Variants in MAGI2 observed in about 807,000 individuals in gnomAD.
MAGI2 encodes the protein membrane-associated guanylate kinase, WW and PDZ domain-containing protein 2.
Under a neutral mutation model 133.3 loss-of-function variants are expected in MAGI2, and 35 were observed. That is an observed-to-expected ratio of 0.26 (90% CI 0.20 to 0.35). The LOEUF (loss-of-function observed/expected upper bound fraction) is 0.35. MAGI2 is among the 10% of genes least tolerant of loss of function. The pLI, the probability that MAGI2 is intolerant of heterozygous loss-of-function variation, is 1.00. For synonymous variants in MAGI2, 729 were observed against 710.6 expected (o/e 1.03, Z -0.41); for missense variants, 1,636 against 1,863.4 (o/e 0.88, Z 2.25).
At chr7:78,761,487 A>G (rs1824505158) in intron 2 of MAGI2, among the ~76,000 whole-genome samples, 1 of 144,910 alleles carries the variant, frequency 6.9e-6, no homozygotes, top group Non-Finnish European at 1.5e-5. Flanking sequence ...TTTTTTTGAG[A>G]CAGAGTCTTG....
intron 2 of MAGI2, among the ~76,000 whole-genome samples, chr7:78,772,946 G>A (rs534478795): frequency 6.6e-6 from 1 of 152,102 alleles, no homozygotes; most frequent in African/African-American, 2.4e-5. Flanking sequence ...CTCTAGCATT[G>A]GCTGTTTTCA....
intron 1 of MAGI2, among the ~76,000 whole-genome samples, chr7:79,345,689 T>A (rs1259313208): frequency 6.6e-6 from 1 of 152,106 alleles, no homozygotes; most frequent in East Asian, 1.9e-4. Context: ...GAAGAAAAAT[T>A]GGCAATTTAA....
chr7:79,157,003 C>A (rs1446799618), intron 1 of MAGI2, among the ~76,000 whole-genome samples: 4 of 152,030 alleles, frequency 2.6e-5, no homozygotes, highest in Non-Finnish European at 5.9e-5. Flanking sequence ...CTTCGGTTGA[C>A]AGTCCTTGAT....
intron 6 of MAGI2, among the ~76,000 whole-genome samples, chr7:78,442,510 C>A (rs1787729482): frequency 6.6e-6 from 1 of 152,144 alleles, no homozygotes; most frequent in South Asian, 2.1e-4. Context: ...CCTATCTAGG[C>A]TTGTTATGCC....
At chr7:78,522,464 C>T (rs1444143445) in intron 3 of MAGI2, among the ~76,000 whole-genome samples, 7 of 152,140 alleles carry the variant, frequency 4.6e-5, no homozygotes, top group South Asian at 2.1e-4. Flanking sequence ...CTGATACCTC[C>T]GCCTCCTAGG....
intron 10 of MAGI2, among the ~76,000 whole-genome samples, chr7:78,244,642 A>G (rs1247800662): frequency 2.0e-5 from 3 of 152,216 alleles, no homozygotes; most frequent in Non-Finnish European, 1.5e-5. Context: ...TTTTAGGCCA[A>G]TGTCATTTAA....
intron 9 of MAGI2, among the ~76,000 whole-genome samples, chr7:78,277,423 T>A (rs993484873): frequency 6.6e-6 from 1 of 152,208 alleles, no homozygotes; most frequent in African/African-American, 2.4e-5. Context: ...GGGCATCCAG[T>A]ACAGCAGTGA....
intron 17 of MAGI2, among the ~76,000 whole-genome samples, chr7:78,133,544 C>G (rs1821786509): frequency 6.6e-6 from 1 of 152,100 alleles, no homozygotes; most frequent in Non-Finnish European, 1.5e-5. Flanking sequence ...GCCTCATAGC[C>G]CACTGGACTC....
chr7:79,151,075 T>TC (rs1444823457), intron 1 of MAGI2, among the ~76,000 whole-genome samples: 1 of 152,148 alleles, frequency 6.6e-6, no homozygotes, highest in Non-Finnish European at 1.5e-5. Flanking sequence ...GTTAGCTTCC[T>TC]CAGTGCTGCT....
At chr7:78,912,870 A>G (rs1798519360) in intron 2 of MAGI2, among the ~76,000 whole-genome samples, 1 of 150,072 alleles carries the variant, frequency 6.7e-6, no homozygotes, top group Non-Finnish European at 1.5e-5. Context: ...ATATGATATG[A>G]CTAATTCTGT....
At chr7:78,472,199 G>T (rs1407129071) in intron 6 of MAGI2, among the ~76,000 whole-genome samples, 1 of 151,942 alleles carries the variant, frequency 6.6e-6, no homozygotes, top group Non-Finnish European at 1.5e-5. Flanking sequence ...TTATGAATTT[G>T]CTGTCATGTA....
intron 6 of MAGI2, among the ~76,000 whole-genome samples, chr7:78,446,570 T>C (rs1297239121): frequency 6.6e-6 from 1 of 152,046 alleles, no homozygotes; most frequent in Non-Finnish European, 1.5e-5. Context: ...AAAGTATCAA[T>C]TAAAGGAACT....
Position 78,954,734 on chromosome 7 carries a change from A to G in MAGI2, c.418+52356T>C, listed in dbSNP as rs73144974. Among the ~76,000 whole-genome samples, 125 of 152,312 alleles carry G rather than the reference A, an allele frequency of 8.2e-4. No homozygotes were observed. In the Middle Eastern group the frequency reaches 0.014, roughly 17 times the overall value. On this transcript the variant is annotated intron_variant, in intron 2 of 21. Coordinates refer to ENST00000354212, the MANE Select transcript of MAGI2 (RefSeq NM_012301.4). ...TTTAGTTCCTTGAAAAGTGCTATTGAGCTGTTTTACTGCGTGTTAATAGAT... is the reference window on the plus strand; with the variant it reads ...TTTAGTTCCTTGAAAAGTGCTATTGGGCTGTTTTACTGCGTGTTAATAGAT...
chr7:78,132,022 G>A (rs1821608904), intron 18 of MAGI2, among the ~76,000 whole-genome samples: 1 of 152,120 alleles, frequency 6.6e-6, no homozygotes, highest in South Asian at 2.1e-4. Flanking sequence ...CTACAGGCGT[G>A]TACCACCACA....
chr7:78,448,942 C>G (rs1485469151), intron 6 of MAGI2, among the ~76,000 whole-genome samples: 2 of 151,986 alleles, frequency 1.3e-5, no homozygotes, highest in Non-Finnish European at 2.9e-5. Flanking sequence ...AATCTTTTAC[C>G]TTGCCATTTA....
At chr7:78,156,945 G>A (rs77887411) in intron 16 of MAGI2, among the ~76,000 whole-genome samples, 1 of 152,154 alleles carries the variant, frequency 6.6e-6, no homozygotes, top group African/African-American at 2.4e-5. Context: ...GGGAATGATC[G>A]TGATTCTTAA....
chr7:79,428,747 C>T (rs1012582456), intron 1 of MAGI2, among the ~76,000 whole-genome samples: 21 of 152,208 alleles, frequency 1.4e-4, no homozygotes, highest in African/African-American at 5.1e-4. Context: ...TCTATATTGC[C>T]TTTCCTTATC....
intron 6 of MAGI2, among the ~76,000 whole-genome samples, chr7:78,414,665 C>T (rs1798145650): frequency 6.6e-6 from 1 of 152,016 alleles, no homozygotes; most frequent in African/African-American, 2.4e-5. Context: ...CACACACACC[C>T]CTGCCCCCCT....
intron 6 of MAGI2, among the ~76,000 whole-genome samples, chr7:78,469,397 CA>C (rs1241013110): frequency 6.6e-6 from 1 of 152,096 alleles, no homozygotes; most frequent in Non-Finnish European, 1.5e-5. Flanking sequence ...GATGCTGTGC[CA>C]TATGAAATAA....
Sources: allele counts gnomAD v4.1 joint callset (sites outside exome capture counted in the v4.1 genomes callset), GRCh38; gene constraint gnomAD v4.1.1; transcripts MANE v1.5; gene names NCBI Gene and HGNC (gene_info 2026-07-23, HGNC 2026-07-21).